Variants in CFAP61 observed in about 807,000 individuals in gnomAD.
The protein encoded by CFAP61 is cilia and flagella associated protein 61, also known as cilia- and flagella-associated protein 61.
A neutral mutation model predicts 135.6 loss-of-function variants in CFAP61; 107 were observed. The ratio of observed to expected loss-of-function variants is 0.79; its 90% CI spans 0.67 to 0.93. The LOEUF (loss-of-function observed/expected upper bound fraction) is 0.93. Ranked by LOEUF, CFAP61 falls within the 40% of genes least tolerant of loss-of-function variation. The pLI is 0.00. For synonymous variants in CFAP61, 575 were observed against 578.5 expected (o/e 0.99, Z 0.09); for missense variants, 1,507 against 1,556.2 (o/e 0.97, Z 0.53).
Position 20,339,240 on chromosome 20 carries a change from TA to T in CFAP61, c.3423-2589del, listed in dbSNP as rs1241266178. On this transcript the variant is annotated intron_variant, in intron 25 of 26. Coordinates refer to ENST00000245957, the MANE Select transcript of CFAP61 (RefSeq NM_015585.4). ...TTGAATATAAATTGGGGGAAAAAGT[TA>T]ATATTTTTTATTTTTAAAATTCACA... 1.1e-4 allele frequency among the ~76,000 whole-genome samples: 17 copies of T among 152,274 alleles called. No individual in the cohort carries two copies. The East Asian group carries it at 3.3e-3, about 29-fold the overall frequency.
At chr20:20,263,231 A>ATAT in intron 21 of CFAP61, 101 bp downstream of exon 21, 1 of 769,360 alleles carries the variant, frequency 1.3e-6, no homozygotes, top group Non-Finnish European at 1.9e-6. Flanking sequence ...GTGCCTAATT[A>ATAT]ATTCCAACCA....
intron 8 of CFAP61, among the ~76,000 whole-genome samples, chr20:20,101,792 A>AT (rs1314506937): frequency 2.0e-5 from 3 of 151,414 alleles, no homozygotes; most frequent in Admixed American, 6.6e-5. Flanking sequence ...CACCCAGCTA[A>AT]TTTTTTTTGT....
intron 12 of CFAP61, among the ~76,000 whole-genome samples, chr20:20,167,905 G>T (rs796895070): frequency 3.9e-5 from 6 of 152,342 alleles, no homozygotes; most frequent in African/African-American, 1.4e-4. Flanking sequence ...TGCTTCTGCA[G>T]GGACCTGGCA....
At chr20:20,108,148 T>A (rs902346482) in intron 8 of CFAP61, among the ~76,000 whole-genome samples, 1 of 152,220 alleles carries the variant, frequency 6.6e-6, no homozygotes, top group African/African-American at 2.4e-5. Context: ...CACTTAGCTC[T>A]GGGCAAGAAG....
intron 18 of CFAP61, among the ~76,000 whole-genome samples, chr20:20,228,971 A>G (rs2048935385): frequency 6.6e-6 from 1 of 152,214 alleles, no homozygotes; most frequent in Non-Finnish European, 1.5e-5. Flanking sequence ...TACATTACAA[A>G]TACACTTTCA....
At chr20:20,284,712 C>T (rs1305781500) in intron 22 of CFAP61, among the ~76,000 whole-genome samples, 1 of 152,212 alleles carries the variant, frequency 6.6e-6, no homozygotes, top group Non-Finnish European at 1.5e-5. Flanking sequence ...AAAAACCTTG[C>T]AGCTATGCAG....
chr20:20,231,069 G>A (rs916190494), intron 18 of CFAP61, among the ~76,000 whole-genome samples: 1 of 152,164 alleles, frequency 6.6e-6, no homozygotes, highest in Non-Finnish European at 1.5e-5. Context: ...GACACCAAAA[G>A]CAGTTTGTGT....
At chr20:20,124,035 C>T (rs529110555) in intron 8 of CFAP61, among the ~76,000 whole-genome samples, 1 of 107,672 alleles carries the variant, frequency 9.3e-6, no homozygotes, top group African/African-American at 3.5e-5. Flanking sequence ...ATTTGATTCT[C>T]CACTTAGTTG....
chr20:20,158,107 G>C (rs925438324), intron 9 of CFAP61, among the ~76,000 whole-genome samples: 1 of 148,000 alleles, frequency 6.8e-6, no homozygotes, highest in Non-Finnish European at 1.5e-5. Context: ...GGGGGGAGGG[G>C]GGAGGGATAG....
At chr20:20,210,649 T>C (rs1351595644) in intron 17 of CFAP61, among the ~76,000 whole-genome samples, 1 of 152,188 alleles carries the variant, frequency 6.6e-6, no homozygotes, top group Non-Finnish European at 1.5e-5. Flanking sequence ...CGAATGCCCC[T>C]CTGGGGCTGG....
intron 26 of CFAP61, among the ~76,000 whole-genome samples, chr20:20,356,156 A>C (rs1484660216): frequency 1.1e-5 from 1 of 94,352 alleles, no homozygotes; most frequent in Non-Finnish European, 2.1e-5. Flanking sequence ...GGTCACACTG[A>C]GGGGAAGTGG....
chr20:20,305,575 C>T (rs1156878624), intron 25 of CFAP61, among the ~76,000 whole-genome samples: 2 of 152,236 alleles, frequency 1.3e-5, no homozygotes, highest in African/African-American at 4.8e-5. Context: ...ATATCCGCCT[C>T]ATCCCTCACA....
chr20:20,308,611 C>A (rs1458912623), intron 25 of CFAP61, among the ~76,000 whole-genome samples: 1 of 152,108 alleles, frequency 6.6e-6, no homozygotes, highest in East Asian at 1.9e-4. Context: ...CTGGCCAACC[C>A]CAGGCAGCCT....
intron 6 of CFAP61, among the ~76,000 whole-genome samples, chr20:20,088,936 G>A (rs1271963326): frequency 6.6e-6 from 1 of 152,174 alleles, no homozygotes; most frequent in East Asian, 1.9e-4. Context: ...GCAGGGTGAA[G>A]ATTTTCATCC....
intron 6 of CFAP61, 29 bp downstream of exon 6, chr20:20,075,644 C>G: frequency 6.2e-7 from 1 of 1,609,482 alleles, no homozygotes; most frequent in Non-Finnish European, 8.5e-7. Context: ...CTTGTGTGAC[C>G]TAAGCTTCAC....
intron 18 of CFAP61, among the ~76,000 whole-genome samples, chr20:20,239,879 C>A (rs1238572793): frequency 6.6e-6 from 1 of 152,122 alleles, no homozygotes; most frequent in Non-Finnish European, 1.5e-5. Flanking sequence ...AGAGACAAAC[C>A]CTCTAGACAA....
chr20:20,253,545 G>A (rs930219980), intron 20 of CFAP61: 12 of 483,196 alleles, frequency 2.5e-5, no homozygotes, highest in Middle Eastern at 7.2e-4. Flanking sequence ...AAACCCTTAC[G>A]TTCAGCATGA....
intron 7 of CFAP61, 81 bp from the exon 8 acceptor site, chr20:20,098,574 C>G: frequency 1.5e-6 from 2 of 1,360,032 alleles, no homozygotes; most frequent in South Asian, 1.4e-5. Context: ...CACCACTGCA[C>G]TCCAGCCTGG....
At chr20:20,257,846 T>C (rs2051772117) in intron 20 of CFAP61, among the ~76,000 whole-genome samples, 1 of 152,214 alleles carries the variant, frequency 6.6e-6, no homozygotes, top group Non-Finnish European at 1.5e-5. Context: ...GGGAGGAATA[T>C]GCATTGTCTT....
Sources: gnomAD v4.1 joint callset for allele counts (sites outside exome capture counted in the v4.1 genomes callset) on GRCh38, gnomAD v4.1.1 for gene constraint, MANE v1.5 for transcripts, NCBI Gene and HGNC (gene_info 2026-07-23, HGNC 2026-07-21) for gene names.